Variants in VPS41 observed in about 807,000 individuals in gnomAD.
The protein encoded by VPS41 is VPS41 subunit of HOPS complex.
Under a neutral mutation model 130.9 loss-of-function variants are expected in VPS41, and 85 were observed. The observed-to-expected ratio is 0.65, with a 90% CI of 0.55 to 0.78. The LOEUF is 0.78. VPS41 is among the 30% of genes least tolerant of loss of function. The pLI is 0.00. For synonymous variants in VPS41, 335 were observed against 332.9 expected, an observed-to-expected ratio of 1.01 and a Z score of -0.07; for missense variants, 874 against 1,018.7, an observed-to-expected ratio of 0.86 and a Z score of 1.93.
At chr7:38,767,902 C>T (rs973353034) in intron 14 of VPS41, among the ~76,000 whole-genome samples, 3 of 151,802 alleles carry the variant, frequency 2.0e-5, no homozygotes, top group Non-Finnish European at 4.4e-5. Flanking sequence ...AGGAGGTATT[C>T]GATATTAGAA....
chr7:38,822,055 C>G (rs770488445), intron 5 of VPS41, among the ~76,000 whole-genome samples: 2 of 152,132 alleles, frequency 1.3e-5, no homozygotes, highest in African/African-American at 4.8e-5. Flanking sequence ...ACAACTTATG[C>G]TAAATCTACT....
Position 38,765,696 on chromosome 7 carries a change from A to G in VPS41, c.1248-35T>C, listed in dbSNP as rs375513598. On this transcript the variant is annotated intron_variant, in intron 15 of 28. Coordinates refer to ENST00000310301, the MANE Select transcript of VPS41 (RefSeq NM_014396.4). ...AAAACATCCCAGGCAGAAAGAAAGT[A>G]TATATTAAAAAAACAAAAAACAAAC... 1.3e-4 allele frequency: 191 copies of G among 1,427,606 alleles called. 1 individual carries two copies. In the Middle Eastern group the frequency reaches 2.0e-3, roughly 15 times the overall value. The allele number at this position is 1,427,606 out of a possible 1,614,324, so 88.4% of individuals were successfully genotyped here.
intron 5 of VPS41, 117 bp downstream of exon 5, chr7:38,830,137 T>C (rs1403243047): frequency 1.4e-6 from 1 of 725,970 alleles, no homozygotes; most frequent in Non-Finnish European, 2.5e-6. Context: ...GCAAGTTCAA[T>C]ACTCAGAAAG....
At chr7:38,753,122 A>C (rs1179549798) in intron 21 of VPS41, among the ~76,000 whole-genome samples, 1 of 152,176 alleles carries the variant, frequency 6.6e-6, no homozygotes, top group Non-Finnish European at 1.5e-5. Context: ...GTTAATATTA[A>C]ATGTAAACAA....
intron 16 of VPS41, among the ~76,000 whole-genome samples, chr7:38,764,230 T>C (rs1048197476): frequency 8.5e-5 from 13 of 152,154 alleles, no homozygotes; most frequent in African/African-American, 2.9e-4. Flanking sequence ...AGGAGAACCA[T>C]GCCCACTAAA....
intron 6 of VPS41, among the ~76,000 whole-genome samples, chr7:38,820,281 C>T (rs765392731): frequency 6.6e-6 from 1 of 152,168 alleles, no homozygotes; most frequent in Non-Finnish European, 1.5e-5. Flanking sequence ...TGTCTTTTGT[C>T]CCCAATCACT....
chr7:38,851,604 T>A (rs1158565217), intron 4 of VPS41, among the ~76,000 whole-genome samples: 1 of 152,246 alleles, frequency 6.6e-6, no homozygotes, highest in East Asian at 1.9e-4. Context: ...AGTTTGGGAC[T>A]ATTACAAATA....
intron 23 of VPS41, among the ~76,000 whole-genome samples, chr7:38,744,664 T>C (rs1158353066): frequency 6.6e-6 from 1 of 152,196 alleles, no homozygotes; most frequent in Non-Finnish European, 1.5e-5. Context: ...ATGAGCTACC[T>C]AAAATTGTGA....
chr7:38,796,375 A>G (rs540638854), intron 8 of VPS41: 20 of 431,668 alleles, frequency 4.6e-5, no homozygotes, highest in African/African-American at 8.2e-5. Context: ...AAGAGAAATC[A>G]GCAATATTCT....
intron 2 of VPS41, among the ~76,000 whole-genome samples, chr7:38,884,479 T>G (rs564528987): frequency 6.6e-6 from 1 of 152,312 alleles, no homozygotes; most frequent in Admixed American, 6.5e-5. Context: ...TATTTAATAA[T>G]GGTAACAAAA....
At chr7:38,730,476 G>A (rs1444596250) in intron 25 of VPS41, among the ~76,000 whole-genome samples, 1 of 152,152 alleles carries the variant, frequency 6.6e-6, no homozygotes, top group African/African-American at 2.4e-5. Flanking sequence ...TAGTATTGAT[G>A]AACAGGAAAT....
chr7:38,904,862 G>C (rs887063241), intron 1 of VPS41, among the ~76,000 whole-genome samples: 1 of 152,174 alleles, frequency 6.6e-6, no homozygotes, highest in African/African-American at 2.4e-5. Flanking sequence ...ACTTGATTAA[G>C]AAATAGATGG....
At position 38,795,314 on chromosome 7, in the gene VPS41, A is replaced by C. The variant is rs1784598341; in HGVS notation, c.717+151T>G. On this transcript the variant is annotated intron_variant, in intron 9 of 28. Transcript: ENST00000310301. ...TACATCTTAAAACTTATGCACAGGA[A>C]ATAATTTGAGCATTAAATGGTAATC... The C allele has an allele frequency of 5.6e-6, 3 of 537,694 alleles. No homozygotes were observed. In the South Asian group the frequency reaches 1.4e-4, roughly 24 times the overall value. 33.3% of individuals were successfully genotyped at this position (537,694 alleles called of 1,614,324 possible).
intron 2 of VPS41, among the ~76,000 whole-genome samples, chr7:38,877,028 C>T (rs1026838085): frequency 2.0e-5 from 3 of 152,188 alleles, no homozygotes; most frequent in Non-Finnish European, 4.4e-5. Context: ...TGGACAATTT[C>T]CGCCACTAAA....
chr7:38,821,535 C>A (rs2116122866), intron 5 of VPS41, among the ~76,000 whole-genome samples: 1 of 151,728 alleles, frequency 6.6e-6, no homozygotes. Context: ...ATGGTGAAAC[C>A]CCATCTCTAC....
chr7:38,857,107 T>C (rs1169814889), intron 4 of VPS41, among the ~76,000 whole-genome samples: 1 of 152,166 alleles, frequency 6.6e-6, no homozygotes, highest in African/African-American at 2.4e-5. Context: ...TATCAGCAAC[T>C]AAGGAATACA....
Position 38,771,191 on chromosome 7 carries a change from C to T in VPS41, c.1185+7G>A. On this transcript the variant is annotated splice_region_variant and intron_variant, in intron 14 of 28. Coordinates refer to ENST00000310301, the MANE Select transcript of VPS41 (RefSeq NM_014396.4). ...ATTATGTTTCAAATAACAAATTGCA[C>T]ACTTACCAGAATCTTATGTCTTTTA... 1 of 1,581,624 alleles carries T rather than the reference C, an allele frequency of 6.3e-7. No homozygotes were observed. The highest frequency in any genetic ancestry group is 8.6e-7 in the Non-Finnish European group (1 of 1,156,788).
rs183413770 is a variant in VPS41 at position 38,827,592 on chromosome 7, G to A, written c.321+2662C>T. ...CCCCTGCACCTCACAACACTCCTCA[G>A]GGGCCTCCCACTGCCAAGATGGGGA... On this transcript the variant is annotated intron_variant, in intron 5 of 28. Transcript: ENST00000310301. Among the ~76,000 whole-genome samples, 20 of 152,224 alleles carry A rather than the reference G, an allele frequency of 1.3e-4. 1 individual carries two copies. The highest frequency in any genetic ancestry group is 3.4e-3 in the Middle Eastern group (1 of 294).
rs1783756835 is a variant in VPS41 at position 38,754,840 on chromosome 7, T to A, written c.1737+55A>T. The A allele has an allele frequency of 1.1e-5, 17 of 1,586,990 alleles. 1 individual carries two copies. Among genetic ancestry groups the A allele is most frequent in the Middle Eastern group, 1.7e-4 (1 of 6,016 alleles). On this transcript the variant is annotated intron_variant, in intron 20 of 28. Transcript: ENST00000310301. ...TCTGATAAACTCTCTTCTTCACAGC[T>A]ATAGGAGTCCCAGACGTTCATCTGG...
Sources: gnomAD v4.1 joint callset for allele counts (sites outside exome capture counted in the v4.1 genomes callset) on GRCh38, gnomAD v4.1.1 for gene constraint, MANE v1.5 for transcripts, NCBI Gene and HGNC (gene_info 2026-07-23, HGNC 2026-07-21) for gene names.